Variants in HPSE observed in about 807,000 individuals in gnomAD.
HPSE encodes endo-glucoronidase.
A neutral mutation model predicts 65.1 loss-of-function variants in HPSE; 48 were observed. The observed-to-expected ratio is 0.74, with a 90% CI of 0.58 to 0.94. The LOEUF is 0.94. Among genes scored for constraint, HPSE ranks in the 40% least tolerant of loss-of-function variants. The probability of loss-of-function intolerance (pLI) is 0.00; values close to 1 mark genes in which losing one functional copy is unlikely to be tolerated. For missense variants in HPSE, 644 were observed against 637.5 expected (o/e 1.01, Z -0.11); for synonymous variants, 243 against 260.0 (o/e 0.93, Z 0.63).
intron 1 of HPSE, 54 bp from the exon 2 acceptor site, chr4:83,322,418 C>T: frequency 6.9e-7 from 1 of 1,454,474 alleles, no homozygotes; most frequent in Non-Finnish European, 9.4e-7. Context: ...ACAATCTAGT[C>T]AAACATTCTT....
At chr4:83,322,604 T>A (rs928498384) in intron 1 of HPSE, among the ~76,000 whole-genome samples, 3 of 152,078 alleles carry the variant, frequency 2.0e-5, no homozygotes, top group Admixed American at 6.6e-5. Context: ...GCAGTTCTGC[T>A]TCTGCCTCCT....
At chr4:83,300,087 A>G (rs905691167) in intron 11 of HPSE, among the ~76,000 whole-genome samples, 2 of 152,192 alleles carry the variant, frequency 1.3e-5, no homozygotes, top group Non-Finnish European at 2.9e-5. Flanking sequence ...ACCTTAAAAT[A>G]TTTATATGCC....
Position 83,310,909 on chromosome 4 carries a change from C to A in HPSE, c.674-19G>T. The A allele has an allele frequency of 1.9e-6, 3 of 1,579,692 alleles. No homozygotes were observed. Among genetic ancestry groups the A allele is most frequent in the South Asian group, 1.1e-5 (1 of 89,254 alleles). On this transcript the variant is annotated intron_variant, in intron 4 of 11. Coordinates refer to ENST00000311412, the MANE Select transcript of HPSE (RefSeq NM_001098540.3). ...TTAGGTTCTGAAAGACAGCAATTCT[C>A]AAAATATATATCGAGAAATGTTGTA...
rs751856528 is a variant in HPSE, at chr4:83,300,967, G to A, written c.1465C>T (p.Leu489Phe). 1.9e-6 allele frequency: 3 copies of A among 1,584,780 alleles called. No homozygotes were observed. Among genetic ancestry groups the A allele is most frequent in the Non-Finnish European group, 2.6e-6 (3 of 1,166,982 alleles). Residue 489 changes from leucine (L) to phenylalanine (F), a missense_variant, in exon 11 of 12, where the codon CTT (leucine) becomes TTT (phenylalanine). Leu to Phe is a conservative substitution (Grantham distance 22). Coordinates refer to ENST00000311412, the MANE Select transcript of HPSE (RefSeq NM_001098540.3). The stretch of plus-strand genomic sequence containing the variant: ...ACAAGGAAAATTACTTACTTGGAAA[G>A]TAATCCATGAGGTCCCAAAGGTCTT... ...LLRPLGPHGL[L>F]SKSVQLNGLT...
At chr4:83,309,044 T>C in intron 7 of HPSE, 93 bp from the exon 8 acceptor site, 2 of 939,000 alleles carry the variant, frequency 2.1e-6, no homozygotes, top group Non-Finnish European at 3.4e-6. Flanking sequence ...CAAAACTTTG[T>C]ATTCCTAGAC....
At chr4:83,296,222 C>T (rs1339593504) in intron 11 of HPSE, among the ~76,000 whole-genome samples, 1 of 152,160 alleles carries the variant, frequency 6.6e-6, no homozygotes, top group African/African-American at 2.4e-5. Context: ...TGCATATTCA[C>T]AGGAGCGAAT....
intron 3 of HPSE, among the ~76,000 whole-genome samples, chr4:83,316,199 G>A (rs994611227): frequency 2.6e-5 from 4 of 151,864 alleles, no homozygotes; most frequent in Non-Finnish European, 4.4e-5. Flanking sequence ...GCTAGTTTTT[G>A]TATTTTTAGT....
At chr4:83,317,829 C>T (rs1180746197) in intron 3 of HPSE, among the ~76,000 whole-genome samples, 1 of 152,122 alleles carries the variant, frequency 6.6e-6, no homozygotes, top group Non-Finnish European at 1.5e-5. Flanking sequence ...ACAAATGTGG[C>T]CTTACTTCTG....
intron 11 of HPSE, among the ~76,000 whole-genome samples, chr4:83,298,224 T>C (rs1735803296): frequency 6.6e-6 from 1 of 152,216 alleles, no homozygotes; most frequent in South Asian, 2.1e-4. Context: ...TAGAAGATGT[T>C]TGTCAAATTT....
chr4:83,333,113 A>G (rs1737461390), intron 1 of HPSE, among the ~76,000 whole-genome samples: 1 of 152,236 alleles, frequency 6.6e-6, no homozygotes, highest in Non-Finnish European at 1.5e-5. Flanking sequence ...CCAGAAGGAA[A>G]AGGAGAGGTT....
intron 3 of HPSE, among the ~76,000 whole-genome samples, chr4:83,315,115 T>G (rs1461947828): frequency 6.7e-6 from 1 of 150,074 alleles, no homozygotes; most frequent in African/African-American, 2.5e-5. Context: ...ATTGTGCCAC[T>G]GCACTGCAGC....
At chr4:83,317,179 G>A (rs1246031607) in intron 3 of HPSE, among the ~76,000 whole-genome samples, 2 of 152,192 alleles carry the variant, frequency 1.3e-5, no homozygotes, top group South Asian at 2.1e-4. Context: ...GATTACAGGT[G>A]TGAGCCACAG....
rs1301483787 is a variant in HPSE, at chr4:83,334,665, C to T, written c.118G>A (p.Asp40Asn). Reference sequence around the variant, plus strand: ...GGCTCCTGGGTGAAGAAGTCCAGGTCCACGACGTCCTGTGCTTGCGCAGGT... The same window carrying T: ...GGCTCCTGGGTGAAGAAGTCCAGGTTCACGACGTCCTGTGCTTGCGCAGGT... ...PRPAQAQDVVDLDFFTQEPLH... is the reference protein window; with the variant it reads ...PRPAQAQDVVNLDFFTQEPLH... The change falls in exon 1 of 12, where the codon GAC becomes AAC. Residue 40 changes from aspartate to asparagine, a missense_variant. Transcript: ENST00000311412. 2.5e-6 allele frequency: 4 copies of T among 1,578,176 alleles called. No individual in the cohort carries two copies. In the African/African-American group the frequency reaches 5.4e-5, roughly 21 times the overall value.
intron 8 of HPSE, among the ~76,000 whole-genome samples, chr4:83,308,399 A>T (rs1238323341): frequency 6.6e-6 from 1 of 152,068 alleles, no homozygotes; most frequent in African/African-American, 2.4e-5. Context: ...GAGGGGAAAA[A>T]AAAAGACAGT....
intron 1 of HPSE, among the ~76,000 whole-genome samples, chr4:83,331,884 T>A (rs1489282849): frequency 6.6e-6 from 1 of 152,238 alleles, no homozygotes; most frequent in Non-Finnish European, 1.5e-5. Context: ...TTTCCCTTTT[T>A]ATGGGCACTA....
intron 3 of HPSE, among the ~76,000 whole-genome samples, chr4:83,315,767 ACTGT>A (rs1736607979): frequency 1.3e-5 from 2 of 152,216 alleles, no homozygotes; most frequent in South Asian, 4.1e-4. Context: ...ACATGTGAAA[ACTGT>A]CTGTAAATCA....
At chr4:83,323,337 T>C (rs967018493) in intron 1 of HPSE, among the ~76,000 whole-genome samples, 1 of 152,170 alleles carries the variant, frequency 6.6e-6, no homozygotes, top group African/African-American at 2.4e-5. Flanking sequence ...GTGATAATGA[T>C]GTGTCAGTGT....
intron 3 of HPSE, among the ~76,000 whole-genome samples, chr4:83,317,943 G>T (rs4693078): frequency 0.8 from 120,915 of 151,796 alleles, 48,309 homozygotes; most frequent in East Asian, 0.87. Context: ...TGTCAGAGTA[G>T]ATCGCCCTCT....
At chr4:83,313,834 C>T (rs1427594552) in intron 3 of HPSE, among the ~76,000 whole-genome samples, 1 of 152,112 alleles carries the variant, frequency 6.6e-6, no homozygotes, top group Admixed American at 6.5e-5. Context: ...CTGGGGAGCA[C>T]CAGTGAATGC....
Sources: gnomAD v4.1 joint callset for allele counts (sites outside exome capture counted in the v4.1 genomes callset) on GRCh38, gnomAD v4.1.1 for gene constraint, MANE v1.5 for transcripts, NCBI Gene and HGNC (gene_info 2026-07-23, HGNC 2026-07-21) for gene names.